ZNF84: variants seen among roughly 807,000 people sequenced by gnomAD.
ZNF84 encodes the protein zinc finger protein 84, also known as zinc finger protein HPF2.
ZNF84 carries 12 observed loss-of-function variants against 14.8 expected under a neutral mutation model. That is an observed-to-expected ratio of 0.81 (90% CI 0.52 to 1.31). The LOEUF (loss-of-function observed/expected upper bound fraction) is 1.31, where lower values mean the gene tolerates loss of function less well. Among genes scored for constraint, ZNF84 ranks in the 50% most tolerant of loss-of-function variants. ZNF84 has a pLI of 0.00. For missense variants in ZNF84, 859 were observed against 878.6 expected (o/e 0.98, Z 0.28); for synonymous variants, 347 against 291.1 (o/e 1.19, Z -1.96).
At chr12:133,048,353 T>A in intron 3 of ZNF84, 1 of 337,308 alleles carries the variant, frequency 3.0e-6, no homozygotes, top group Non-Finnish European at 5.5e-6. Context: ...GCATATAACT[T>A]ACTATATGCC....
At chr12:133,037,850 C>G (rs1027070701) in intron 1 of ZNF84, 1 of 152,090 alleles carries the variant, frequency 6.6e-6, no homozygotes, top group South Asian at 2.1e-4. Flanking sequence ...TAGCCTCGAC[C>G]TCGGGCCAGC....
At chr12:133,049,633 C>T (rs945509416) in intron 4 of ZNF84, among the ~76,000 whole-genome samples, 156 of 152,160 alleles carry the variant, frequency 1.0e-3, no homozygotes, top group African/African-American at 3.3e-3. Flanking sequence ...GCACATGCCA[C>T]CATGCCCGGC....
intron 2 of ZNF84, among the ~76,000 whole-genome samples, chr12:133,041,767 G>A (rs1463495520): frequency 6.6e-6 from 1 of 152,322 alleles, no homozygotes; most frequent in South Asian, 2.1e-4. Flanking sequence ...ATAGAGAAAT[G>A]TGAGCTTTTA....
At position 133,048,816 on chromosome 12, in the gene ZNF84, GAGATGGAGA is replaced by G. The variant is rs1374856633; in HGVS notation, c.208_216del (p.Asp70_Glu72del). 1.2e-6 allele frequency: 2 copies of G among 1,613,612 alleles called. No homozygotes were observed. Among genetic ancestry groups the G allele is most frequent in the African/African-American group, 2.7e-5 (2 of 74,876 alleles). ...GAGCAAGGAGAAGAGCCGTGGGTAGGAGATGGAGAAATTCCAAGTTCAGATTCTCCAGGT... is the reference window on the plus strand; with the variant it reads ...GAGCAAGGAGAAGAGCCGTGGGTAGGAATTCCAAGTTCAGATTCTCCAGGT... On this transcript the variant is annotated inframe_deletion, in exon 4 of 5. Coordinates refer to ENST00000539354, the MANE Select transcript of ZNF84 (RefSeq NM_001289971.2).
intron 4 of ZNF84, among the ~76,000 whole-genome samples, chr12:133,049,871 G>A (rs1267125711): frequency 3.3e-5 from 5 of 151,914 alleles, no homozygotes; most frequent in East Asian, 3.8e-4. Flanking sequence ...CTCAACTTCC[G>A]CTTAAAACTA....
chr12:133,046,973 T>TTATATA (rs61361964), intron 2 of ZNF84, among the ~76,000 whole-genome samples: 2 of 140,926 alleles, frequency 1.4e-5, no homozygotes, highest in African/African-American at 5.2e-5. Flanking sequence ...ATTATATTAT[T>TTATATA]TATATATATA....
At chr12:133,040,679 A>AT (rs1396541730) in intron 1 of ZNF84, 1 of 151,914 alleles carries the variant, frequency 6.6e-6, no homozygotes, top group South Asian at 2.1e-4. Flanking sequence ...TTACACAATG[A>AT]TTTTTTAAAA....
chr12:133,039,564 C>T (rs1224718648), intron 1 of ZNF84, among the ~76,000 whole-genome samples: 1 of 152,162 alleles, frequency 6.6e-6, no homozygotes, highest in Admixed American at 6.5e-5. Context: ...ATGTTAAACG[C>T]CTTATAGGGT....
At chr12:133,056,616 A>C (rs1174232933) in intron 4 of ZNF84, among the ~76,000 whole-genome samples, 1 of 152,142 alleles carries the variant, frequency 6.6e-6, no homozygotes, top group Non-Finnish European at 1.5e-5. Context: ...CATAGTGTAT[A>C]CTCAGAAAGT....
At position 133,041,288 on chromosome 12, in the gene ZNF84, C is replaced by G; in HGVS notation, c.-180C>G. 1.6e-6 allele frequency: 1 copy of G among 620,226 alleles called. No homozygotes were observed. Among genetic ancestry groups the G allele is most frequent in the Admixed American group, 2.9e-5 (1 of 34,520 alleles). The allele number at this position is 620,226 out of a possible 1,614,324, so 38.4% of individuals were successfully genotyped here. On this transcript the variant is annotated 5_prime_UTR_variant, in exon 2 of 5. Coordinates refer to ENST00000539354, the MANE Select transcript of ZNF84 (RefSeq NM_001289971.2). ...ACATTTCTCCCGAAGTCCACAGATC[C>G]TGGTCCCTACAAATAAGCCTGCTCA...
chr12:133,051,111 G>GT lies in ZNF84; in HGVS notation c.238+2263_238+2264insT, dbSNP rs1351421846. ...TTTTGTTTGTTTTGTTTTGTTTTTT[G>GT]GTTTTTTTTTTTGTTTTATGTGGTA... On this transcript the variant is annotated intron_variant, in intron 4 of 4. Transcript: ENST00000539354. Among the ~76,000 whole-genome samples the GT allele has an allele frequency of 1.6e-3, 196 of 119,290 alleles. 1 individual carries two copies. Among genetic ancestry groups the GT allele is most frequent in the African/African-American group, 6.3e-3 (168 of 26,570 alleles). The allele number at this position is 119,290 out of a possible 152,430, so 78.3% of individuals were successfully genotyped here.
chr12:133,048,154 T>C, intron 3 of ZNF84, 73 bp downstream of exon 3: 1 of 1,455,238 alleles, frequency 6.9e-7, no homozygotes. Context: ...GCTGGGAAGT[T>C]TCAGAAGCCT....
chr12:133,044,086 A>G (rs1953936151), intron 2 of ZNF84, among the ~76,000 whole-genome samples: 1 of 151,810 alleles, frequency 6.6e-6, no homozygotes, highest in African/African-American at 2.4e-5. Flanking sequence ...AGTTCTAATG[A>G]TTTTTCTTTA....
At chr12:133,048,146 T>C in intron 3 of ZNF84, 65 bp downstream of exon 3, 1 of 1,500,210 alleles carries the variant, frequency 6.7e-7, no homozygotes, top group Non-Finnish European at 9.0e-7. Flanking sequence ...TTTTAGTTGC[T>C]GGGAAGTTTC....
intron 4 of ZNF84, among the ~76,000 whole-genome samples, chr12:133,050,094 T>C (rs1954047035): frequency 2.6e-5 from 4 of 152,130 alleles, no homozygotes; most frequent in Non-Finnish European, 2.9e-5. Context: ...CTTATGTGAG[T>C]GTAAGAACTT....
intron 4 of ZNF84, among the ~76,000 whole-genome samples, chr12:133,053,673 T>C (rs2137399047): frequency 6.6e-6 from 1 of 152,150 alleles, no homozygotes; most frequent in East Asian, 1.9e-4. Flanking sequence ...AGCCCAGGAG[T>C]TCAAGGCTGC....
At chr12:133,048,893 A>G (rs1411632336) in intron 4 of ZNF84, 45 bp downstream of exon 4, 10 of 1,514,436 alleles carry the variant, frequency 6.6e-6, no homozygotes, top group East Asian at 4.6e-5. Context: ...CAGAAGCCCC[A>G]TGTCATCTGG....
chr12:133,048,536 C>T, intron 3 of ZNF84: 1 of 362,488 alleles, frequency 2.8e-6, no homozygotes, highest in Non-Finnish European at 5.1e-6. Context: ...GGATGTAAAC[C>T]CAGGCTTACT....
Position 133,041,436 on chromosome 12 carries a change from G to A in ZNF84, c.-32G>A, listed in dbSNP as rs7961682. On this transcript the variant is annotated 5_prime_UTR_variant, in exon 2 of 5. Transcript: ENST00000539354. ...GAGACGCACAGTAGAACCGATCTCA[G>A]CCTTGCTGATCATCTCGTACAGCAG... 0.16 allele frequency: 265,329 copies of A among 1,611,468 alleles called. 24,414 individuals carry two copies. The highest frequency in any genetic ancestry group is 0.36 in the African/African-American group (26,634 of 74,890).
Sources: gnomAD v4.1 joint callset for allele counts (sites outside exome capture counted in the v4.1 genomes callset) on GRCh38, gnomAD v4.1.1 for gene constraint, MANE v1.5 for transcripts, NCBI Gene and HGNC (gene_info 2026-07-23, HGNC 2026-07-21) for gene names.